The following TJP3 variants were observed in gnomAD, a reference collection of about 807,000 sequenced individuals.
The protein encoded by TJP3 is tight junction protein ZO-3.
In TJP3, 85 loss-of-function variants were observed where a neutral mutation model predicts 104.2. The ratio of observed to expected loss-of-function variants is 0.82; its 90% CI spans 0.68 to 0.98. The LOEUF (loss-of-function observed/expected upper bound fraction) is 0.98, where lower values mean the gene tolerates loss of function less well. TJP3 is among the 50% of genes least tolerant of loss of function. The probability of loss-of-function intolerance (pLI) is 0.00; values close to 1 mark genes in which losing one functional copy is unlikely to be tolerated. For synonymous variants in TJP3, 550 were observed against 550.6 expected, an observed-to-expected ratio of 1.00 and a Z score of 0.02; for missense variants, 1,367 against 1,322.8, an observed-to-expected ratio of 1.03 and a Z score of -0.52.
At chr19:3,734,504 G>A (rs1204693210) in intron 8 of TJP3, 69 bp downstream of exon 8, 29 of 1,408,120 alleles carry the variant, frequency 2.1e-5, no homozygotes, top group South Asian at 1.6e-4. Flanking sequence ...AGGGGAACGC[G>A]GGCGTAGCTT....
At chr19:3,714,302 CCT>C (rs1371270642) in intron 1 of TJP3, among the ~76,000 whole-genome samples, 1 of 151,884 alleles carries the variant, frequency 6.6e-6, no homozygotes, top group Non-Finnish European at 1.5e-5. Context: ...GCCTCAGCCC[CCT>C]GAGTAGCTGG....
chr19:3,726,319 C>A (rs764047744), intron 1 of TJP3, among the ~76,000 whole-genome samples: 18 of 152,226 alleles, frequency 1.2e-4, no homozygotes, highest in Non-Finnish European at 2.5e-4. Context: ...CAGAATCTGC[C>A]TGGTGTGGAG....
chr19:3,715,777 CATTTT>C (rs1360971341), intron 1 of TJP3, among the ~76,000 whole-genome samples: 1 of 152,048 alleles, frequency 6.6e-6, no homozygotes, highest in East Asian at 1.9e-4. Flanking sequence ...TTTATTGTTT[CATTTT>C]ATTTTATTTT....
intron 11 of TJP3, 36 bp from the exon 12 acceptor site, chr19:3,738,519 A>G (rs2036767890): frequency 6.3e-7 from 1 of 1,582,358 alleles, no homozygotes; most frequent in Non-Finnish European, 8.7e-7. Flanking sequence ...AAGAGGTACC[A>G]GAGCTTTTTC....
intron 18 of TJP3, among the ~76,000 whole-genome samples, chr19:3,747,175 C>T (rs1424221363): frequency 1.3e-5 from 2 of 151,998 alleles, no homozygotes; most frequent in Non-Finnish European, 2.9e-5. Context: ...ATTCTCCTGC[C>T]TCAGCCTCCC....
rs775441868 is a variant in TJP3, at chr19:3,746,453, C to T, written c.2011-32C>T. 2 of 1,610,380 alleles carry T rather than the reference C, an allele frequency of 1.2e-6. No homozygotes were observed. The highest frequency in any genetic ancestry group is 1.7e-6 in the Non-Finnish European group (2 of 1,177,454). On this transcript the variant is annotated intron_variant, in intron 16 of 20. Transcript: ENST00000541714. The surrounding 1 kb of genome is among the most constrained non-coding windows in gnomAD (Gnocchi z 4.1). ...CTCTCTGTTTACCCTGCTGCAATCC[C>T]CCTCACCCCAACGTCCGCCGGCCTG... is the stretch of plus-strand genomic sequence containing the variant.
intron 1 of TJP3, among the ~76,000 whole-genome samples, chr19:3,714,473 C>T (rs1314807553): frequency 6.6e-6 from 1 of 151,910 alleles, no homozygotes; most frequent in Non-Finnish European, 1.5e-5. Context: ...CCACCGCGCC[C>T]AGCCCGTTCT....
intron 1 of TJP3, among the ~76,000 whole-genome samples, chr19:3,715,620 G>T (rs2036470434): frequency 1.3e-5 from 2 of 152,130 alleles, no homozygotes; most frequent in African/African-American, 4.8e-5. Flanking sequence ...TCTTAGAGGG[G>T]TTGACAGTGG....
At chr19:3,732,098 C>T (rs1343812794) in intron 6 of TJP3, 60 bp downstream of exon 6, 7 of 1,423,422 alleles carry the variant, frequency 4.9e-6, no homozygotes, top group Non-Finnish European at 6.8e-6. Context: ...GGCGGGCAGT[C>T]CCACGGAGTC....
At chr19:3,726,264 C>T (rs2036594963) in intron 1 of TJP3, among the ~76,000 whole-genome samples, 1 of 152,252 alleles carries the variant, frequency 6.6e-6, no homozygotes, top group African/African-American at 2.4e-5. Flanking sequence ...GGTGACCTTG[C>T]ACCTGAGTCT....
At chr19:3,729,087 G>A (rs2036637325) in intron 3 of TJP3, among the ~76,000 whole-genome samples, 1 of 152,086 alleles carries the variant, frequency 6.6e-6, no homozygotes, top group African/African-American at 2.4e-5. Context: ...AGAAACCTTT[G>A]TGAGCCTGGC....
At chr19:3,739,583 G>C (rs2094376250) in intron 13 of TJP3, among the ~76,000 whole-genome samples, 1 of 152,206 alleles carries the variant, frequency 6.6e-6, no homozygotes, top group South Asian at 2.1e-4. Context: ...GGCCCCATTT[G>C]GTGCTGGTAT....
In TJP3 at chr19:3,730,637, C is replaced by T. The variant is rs764605165; in HGVS notation, c.544C>T (p.Arg182Trp). 48 of 1,611,576 alleles carry T rather than the reference C, an allele frequency of 3.0e-5. No homozygotes were observed. In the East Asian group the frequency reaches 5.8e-4, roughly 19 times the overall value. Reference sequence around the variant, plus strand: ...GCTGGCCCTGGTGTCCGGCTTTAAGCGGCTGCCACGGCAGGACGTGCAGAT... The same window carrying T: ...GCTGGCCCTGGTGTCCGGCTTTAAGTGGCTGCCACGGCAGGACGTGCAGAT... ...NGLALVSGFK[R>W]LPRQDVQMKP... Residue 182 changes from arginine (R) to tryptophan (W), a missense_variant, in exon 5 of 21, where the codon CGG becomes TGG. Transcript: ENST00000541714. This position sits in a 1 kb window ranked among gnomAD's most constrained non-coding sequence, Gnocchi z 7.3.
chr19:3,743,701 T>C (rs965984036), intron 14 of TJP3: 35 of 450,920 alleles, frequency 7.8e-5, no homozygotes, highest in African/African-American at 6.4e-4. Flanking sequence ...TTCCTGCCCT[T>C]GAAGGCGGAA....
rs948530174 is a variant in TJP3 at position 3,728,807 on chromosome 19, C to G, written c.158+94C>G. ...GTGACTCACACCCGTCATCCCAGCACTTTGCGAGGCTGAAGTGGGCGGATC... is the reference window on the plus strand; with the variant it reads ...GTGACTCACACCCGTCATCCCAGCAGTTTGCGAGGCTGAAGTGGGCGGATC... On this transcript the variant is annotated intron_variant, in intron 3 of 20. Transcript: ENST00000541714. The G allele has an allele frequency of 5.2e-5, 70 of 1,357,190 alleles. No homozygotes were observed. The African/African-American group carries it at 8.9e-4, about 17-fold the overall frequency. The allele number at this position is 1,357,190 out of a possible 1,614,324, so 84.1% of individuals were successfully genotyped here. A position where few individuals can be genotyped will look rare whatever the true frequency, so the allele number is the denominator to read the frequency against.
intron 1 of TJP3, among the ~76,000 whole-genome samples, chr19:3,709,709 C>T (rs1281346896): frequency 6.6e-6 from 1 of 152,148 alleles, no homozygotes; most frequent in Non-Finnish European, 1.5e-5. Flanking sequence ...TCCCAGGGAG[C>T]AGGCTTGCTT....
At chr19:3,710,799 C>T (rs912011981) in intron 1 of TJP3, among the ~76,000 whole-genome samples, 1 of 151,674 alleles carries the variant, frequency 6.6e-6, no homozygotes, top group Non-Finnish European at 1.5e-5. Flanking sequence ...TCTCGTGGGG[C>T]GCATATTTTG....
chr19:3,726,889 C>A (rs2036601961), intron 1 of TJP3, among the ~76,000 whole-genome samples: 1 of 151,522 alleles, frequency 6.6e-6, no homozygotes, highest in African/African-American at 2.4e-5. Context: ...AGTTTGAGAC[C>A]AGCCTTGGCA....
At chr19:3,711,058 C>T (rs1453717127) in intron 1 of TJP3, among the ~76,000 whole-genome samples, 2 of 84,508 alleles carry the variant, frequency 2.4e-5, no homozygotes, top group African/African-American at 8.2e-5. Context: ...CGCCCGCCAC[C>T]ACACCCGGCT....
Sources: gnomAD v4.1 joint callset for allele counts (sites outside exome capture counted in the v4.1 genomes callset) on GRCh38, gnomAD v4.1.1 for gene constraint, Gnocchi (gnomAD v3.1) non-coding constraint, MANE v1.5 for transcripts, NCBI Gene and HGNC (gene_info 2026-07-23, HGNC 2026-07-21) for gene names.